Variants in MSTO1 observed in about 807,000 individuals in gnomAD.
MSTO1 encodes the protein protein misato homolog 1.
A neutral mutation model predicts 55.7 loss-of-function variants in MSTO1; 24 were observed. The ratio of observed to expected loss-of-function variants is 0.43; its 90% CI spans 0.31 to 0.61. MSTO1 has a LOEUF of 0.61. MSTO1 is among the 20% of genes least tolerant of loss of function. The pLI, the probability that MSTO1 is intolerant of heterozygous loss-of-function variation, is 0.09. For missense variants in MSTO1, 363 were observed against 625.7 expected, an observed-to-expected ratio of 0.58 and a Z score of 4.48; for synonymous variants, 162 against 252.8, an observed-to-expected ratio of 0.64 and a Z score of 3.41.
chr1:155,565,481 G>A, the MSTO1 span, among the ~76,000 whole-genome samples: 1 of 152,106 alleles, frequency 6.6e-6, no homozygotes, highest in African/African-American at 2.4e-5. Context: ...CAAAAGAGAA[G>A]CCTGAGGCCC....
the MSTO1 span, among the ~76,000 whole-genome samples, chr1:155,577,015 CAAAAAAAAAAAAA>C: frequency 2.9e-5 from 1 of 34,642 alleles, no homozygotes; most frequent in Admixed American, 5.0e-4. Flanking sequence ...AACTCCGTCT[CAAAAAAAAAAAAA>C]AAAAAAAAAA....
chr1:155,566,145 C>T, the MSTO1 span: 1 of 152,322 alleles, frequency 6.6e-6, no homozygotes, highest in South Asian at 2.1e-4. Flanking sequence ...TCGAAGCTCC[C>T]TTTCTTCAAA....
chr1:155,582,380 C>A, the MSTO1 span, among the ~76,000 whole-genome samples: 2 of 152,152 alleles, frequency 1.3e-5, no homozygotes, highest in South Asian at 4.1e-4. Context: ...TTTGTATATA[C>A]CCTGGAAAAT....
intron 11 of MSTO1, 99 bp from the exon 12 acceptor site, chr1:155,613,363 T>C: frequency 6.3e-7 from 1 of 1,575,538 alleles, no homozygotes. Flanking sequence ...AAAAAGGGCT[T>C]TGAATATCTT....
At chr1:155,569,434 CTTTTTTTTTT>C in the MSTO1 span, among the ~76,000 whole-genome samples, 3 of 89,784 alleles carry the variant, frequency 3.3e-5, no homozygotes, top group South Asian at 3.6e-4. Flanking sequence ...TGCGCCCGGT[CTTTTTTTTTT>C]TTTTTTTTTT....
chr1:155,610,590 C>G (rs1397104407), intron 2 of MSTO1, 30 bp downstream of exon 2: 1 of 994,624 alleles, frequency 1.0e-6, no homozygotes, highest in East Asian at 2.5e-5. Flanking sequence ...AGCCGATGCC[C>G]CTTATTTCCC....
At chr1:155,603,228 G>A in the MSTO1 span, among the ~76,000 whole-genome samples, 1 of 151,740 alleles carries the variant, frequency 6.6e-6, no homozygotes, top group Admixed American at 6.6e-5. Flanking sequence ...AGCTGGGCGT[G>A]GTGGCGTGCA....
chr1:155,564,124 T>C, the MSTO1 span, among the ~76,000 whole-genome samples: 1 of 152,228 alleles, frequency 6.6e-6, no homozygotes, highest in African/African-American at 2.4e-5. Flanking sequence ...ACCGGAAGGA[T>C]CTACTTGGGT....
At chr1:155,602,200 C>T in the MSTO1 span, 351 of 648,546 alleles carry the variant, frequency 5.4e-4, 1 homozygote, top group African/African-American at 5.9e-3. Context: ...ACTTCCTGGC[C>T]GGGCTTTGTG....
chr1:155,566,065 A>G, the MSTO1 span: 7 of 152,158 alleles, frequency 4.6e-5, no homozygotes, highest in Non-Finnish European at 1.0e-4. Flanking sequence ...GTAGCTGCCC[A>G]TGCTTGTGTT....
chr1:155,564,980 G>A, the MSTO1 span, among the ~76,000 whole-genome samples: 3 of 152,106 alleles, frequency 2.0e-5, no homozygotes, highest in Non-Finnish European at 4.4e-5. Context: ...AATTAGCCGG[G>A]CGTGGTGGTG....
chr1:155,590,604 G>T, the MSTO1 span: 1 of 1,320,082 alleles, frequency 7.6e-7, no homozygotes, highest in Non-Finnish European at 1.0e-6. Flanking sequence ...TTCCATGTCA[G>T]ACGTAATTCT....
the MSTO1 span, chr1:155,590,658 T>C: frequency 3.5e-6 from 5 of 1,417,234 alleles, no homozygotes; most frequent in Middle Eastern, 1.8e-4. Context: ...CAGGGGCAGA[T>C]GTCCAGTAGC....
the MSTO1 span, among the ~76,000 whole-genome samples, chr1:155,589,126 C>G: frequency 6.6e-6 from 1 of 151,928 alleles, no homozygotes; most frequent in African/African-American, 2.4e-5. Context: ...AGTGAAACCC[C>G]GTCTCTACTA....
At chr1:155,574,960 G>A in the MSTO1 span, among the ~76,000 whole-genome samples, 3 of 148,454 alleles carry the variant, frequency 2.0e-5, no homozygotes, top group South Asian at 2.1e-4. Flanking sequence ...TCCACCTCCC[G>A]GGTTCAAGCG....
chr1:155,589,297 CA>C, the MSTO1 span, among the ~76,000 whole-genome samples: 127 of 137,056 alleles, frequency 9.3e-4, no homozygotes, highest in African/African-American at 1.4e-3. Flanking sequence ...GACTCCATCT[CA>C]AAAAAAAAAA....
chr1:155,592,566 T>TA, the MSTO1 span, among the ~76,000 whole-genome samples: 1 of 152,282 alleles, frequency 6.6e-6, no homozygotes, highest in African/African-American at 2.4e-5. Flanking sequence ...TTACTTTTTT[T>TA]TTTTTGAGAT....
At chr1:155,600,836 C>A in the MSTO1 span, among the ~76,000 whole-genome samples, 12 of 151,998 alleles carry the variant, frequency 7.9e-5, no homozygotes, top group Non-Finnish European at 1.5e-4. Flanking sequence ...GCCACCACGC[C>A]CGGCTAATTT....
At chr1:155,609,897 G>A (rs776635916), upstream of MSTO1, 30 of 271,974 alleles carry the variant, frequency 1.1e-4, no homozygotes, top group Non-Finnish European at 1.6e-4. Context: ...AGAGATCTGT[G>A]AGAAGGGATA....
Sources: gnomAD v4.1 joint callset for allele counts (sites outside exome capture counted in the v4.1 genomes callset) on GRCh38, gnomAD v4.1.1 for gene constraint, MANE v1.5 for transcripts, NCBI Gene and HGNC (gene_info 2026-07-23, HGNC 2026-07-21) for gene names.